Variants in TTN observed in about 807,000 individuals in gnomAD.
The protein encoded by TTN is titin, also known as connectin.
Under a neutral mutation model 3,223.0 loss-of-function variants are expected in TTN, and 1,525 were observed. The ratio of observed to expected loss-of-function variants is 0.47; its 90% CI spans 0.45 to 0.49. The LOEUF is 0.49. TTN is among the 20% of genes least tolerant of loss of function. TTN has a pLI of 0.00. For missense variants in TTN, 40,786 were observed against 43,424.0 expected, an observed-to-expected ratio of 0.94 and a Z score of 5.40; for synonymous variants, 14,094 against 15,161.0, an observed-to-expected ratio of 0.93 and a Z score of 5.17.
chr2:178,716,463 AC>A (rs2077496505), intron 88 of TTN, among the ~76,000 whole-genome samples: 1 of 152,096 alleles, frequency 6.6e-6, no homozygotes. Flanking sequence ...CACTACAAAA[AC>A]CCTTAAAAAT....
Position 178,569,967 on chromosome 2 carries a change from C to T in TTN, c.76165G>A (p.Glu25389Lys). 1 of 1,612,030 alleles carries T rather than the reference C, an allele frequency of 6.2e-7. No homozygotes were observed. Among genetic ancestry groups the T allele is most frequent in the Non-Finnish European group, 8.5e-7 (1 of 1,178,752 alleles). ...VSAENAAGLS[E>K]PSPPSAYQKA... ...TGGTAAGCAGAAGGAGGGCTTGGTT[C>T]ACTAAGTCCAGCAGCATTCTCAGCA... Residue 25389 changes from glutamate (E) to lysine (K), a missense_variant, in exon 326 of 363, where the codon GAA (glutamate) becomes AAA (lysine). By Grantham distance (56) the Glu-to-Lys change is moderately conservative. Transcript: ENST00000589042.
At position 178,560,949 on chromosome 2, in the gene TTN, C is replaced by T; in HGVS notation, c.85183G>A (p.Gly28395Ser). The T allele has an allele frequency of 6.2e-7, 1 of 1,613,718 alleles. No individual in the cohort carries two copies. The highest frequency in any genetic ancestry group is 8.5e-7 in the Non-Finnish European group (1 of 1,179,776). The change falls in exon 326 of 363, where the codon GGT becomes AGT. Residue 28395 changes from glycine to serine, a missense_variant. By Grantham distance (56) the Gly-to-Ser change is moderately conservative. Coordinates refer to ENST00000589042, the MANE Select transcript of TTN (RefSeq NM_001267550.2). ...PLPVISWAKD[G>S]IEIEERARTE... ...CTTGCTCTTTCTTCAATTTCTATAC[C>T]ATCCTTGGCCCAGGAAATTACTGGC...
chr2:178,685,397 T>A (rs934764073), intron 128 of TTN, 67 bp from the exon 129 acceptor site: 2 of 1,479,420 alleles, frequency 1.4e-6, no homozygotes, highest in African/African-American at 2.8e-5. Flanking sequence ...GTGTAAGGGA[T>A]CTTTTTATTA....
intron 47 of TTN, chr2:178,750,805 A>C (rs2085271591): frequency 6.2e-7 from 1 of 1,613,172 alleles, no homozygotes; most frequent in Non-Finnish European, 8.5e-7. Context: ...CAGGAGTCTC[A>C]TATACTTCCT....
Position 178,720,960 on chromosome 2 carries a change from C to T in TTN, c.23059G>A (p.Val7687Ile). The part of the protein sequence containing the change: ...GDYICEAHNG[V>I]GDASCSTALT... Reference sequence around the variant, plus strand: ...GCTGTGCTGCAGCTGGCGTCACCAACACCATTATGAGCCTCACAAATGTAG... The same window carrying T: ...GCTGTGCTGCAGCTGGCGTCACCAATACCATTATGAGCCTCACAAATGTAG... Residue 7687 changes from valine (V) to isoleucine (I), a missense_variant, in exon 79 of 363, where the codon GTT (valine) becomes ATT (isoleucine). Val to Ile is a conservative substitution (Grantham distance 29, BLOSUM62 3). Coordinates refer to ENST00000589042, the MANE Select transcript of TTN (RefSeq NM_001267550.2). The T allele has an allele frequency of 6.2e-7, 1 of 1,602,172 alleles. No individual in the cohort carries two copies. The highest frequency in any genetic ancestry group is 1.1e-5 in the South Asian group (1 of 90,340).
At chr2:178,789,538 C>T in intron 12 of TTN, 41 bp from the exon 13 acceptor site, 1 of 1,611,510 alleles carries the variant, frequency 6.2e-7, no homozygotes, top group African/African-American at 1.3e-5. Flanking sequence ...TTGAACAGGG[C>T]TTCAAACACA....
rs1215669622 is a variant in TTN at position 178,576,613 on chromosome 2, C to G, written c.69631G>C (p.Glu23211Gln). The part of the protein sequence containing the change: ...VTGLQEGSTY[E>Q]FRVSAENRAG... ...CTGTTTTCTGCACTGACACGGAATT[C>G]GTAGGTGCTTCCTTCTTGCAGTCCT... The change falls in exon 325 of 363, where the codon GAA becomes CAA. Residue 23211 changes from glutamate to glutamine, a missense_variant. Physicochemically the swap from Glu to Gln is conservative, Grantham distance 29. Coordinates refer to ENST00000589042, the MANE Select transcript of TTN (RefSeq NM_001267550.2). The surrounding 1 kb of genome is among the most constrained non-coding windows in gnomAD (Gnocchi z 4.3). 6.2e-7 allele frequency: 1 copy of G among 1,613,526 alleles called. No homozygotes were observed. Among genetic ancestry groups the G allele is most frequent in the Non-Finnish European group, 8.5e-7 (1 of 1,179,612 alleles).
chr2:178,714,576 G>A lies in TTN; in HGVS notation c.26201-3C>T. ...CTTCTTCACAAATCTTGGTGGTGCT[G>A]ATGAAAAAGGAGGAAAGCCTGGGTT... On this transcript the variant is annotated splice_polypyrimidine_tract_variant and splice_region_variant and intron_variant, in intron 90 of 362. Coordinates refer to ENST00000589042, the MANE Select transcript of TTN (RefSeq NM_001267550.2). 1 of 1,580,042 alleles carries A rather than the reference G, an allele frequency of 6.3e-7. No homozygotes were observed. Among genetic ancestry groups the A allele is most frequent in the Non-Finnish European group, 8.6e-7 (1 of 1,163,316 alleles).
chr2:178,755,248 G>C (rs1314553392), intron 46 of TTN, among the ~76,000 whole-genome samples: 3 of 152,126 alleles, frequency 2.0e-5, no homozygotes, highest in Non-Finnish European at 4.4e-5. Flanking sequence ...GTTTATTCCT[G>C]CTCTTCCAGA....
At position 178,576,994 on chromosome 2, in the gene TTN, A is replaced by AC; in HGVS notation, c.69340dup (p.Val23114GlyfsTer16). The AC allele has an allele frequency of 6.2e-7, 1 of 1,613,450 alleles. No homozygotes were observed. The highest frequency in any genetic ancestry group is 8.5e-7 in the Non-Finnish European group (1 of 1,179,554). On this transcript the variant is annotated frameshift_variant, in exon 324 of 363. Coordinates refer to ENST00000589042, the MANE Select transcript of TTN (RefSeq NM_001267550.2). LOFTEE classifies it high-confidence loss of function. The surrounding 1 kb of genome is among the most constrained non-coding windows in gnomAD (Gnocchi z 4.3). Reference sequence around the variant, plus strand: ...TTTGCCATAGTGGTTTACAGCTGAGACCCGGAAGATGTACTCATTTCCTTG... The same window carrying AC: ...TTTGCCATAGTGGTTTACAGCTGAGACCCCGGAAGATGTACTCATTTCCTTG...
chr2:178,686,181 C>A (rs530297885), intron 127 of TTN, among the ~76,000 whole-genome samples: 2 of 118,936 alleles, frequency 1.7e-5, no homozygotes, highest in African/African-American at 3.4e-5. Context: ...AGTGCAGTGG[C>A]GGGATCTCGG....
At position 178,802,341 on chromosome 2, in the gene TTN, C is replaced by T; in HGVS notation, c.92G>A (p.Gly31Asp). ...STATFEAHIS[G>D]FPVPEVSWFR... is the part of the protein sequence containing the mutation. ...CCAGCTCACCTCAGGAACTGGAAAA[C>T]CTGAAGAGCAAGAACAATTCACCTT... Residue 31 changes from glycine (G) to aspartate (D), a missense_variant and splice_region_variant, in exon 3 of 363, where the codon GGT becomes GAT. Coordinates refer to ENST00000589042, the MANE Select transcript of TTN (RefSeq NM_001267550.2). The T allele has an allele frequency of 6.2e-7, 1 of 1,613,670 alleles. No homozygotes were observed. Among genetic ancestry groups the T allele is most frequent in the Non-Finnish European group, 8.5e-7 (1 of 1,179,770 alleles).
At position 178,545,642 on chromosome 2, in the gene TTN, T is replaced by C. The variant is rs794729539; in HGVS notation, c.95468A>G (p.His31823Arg). 33 of 1,613,702 alleles carry C rather than the reference T, an allele frequency of 2.0e-5. No homozygotes were observed. The highest frequency in any genetic ancestry group is 2.5e-5 in the Non-Finnish European group (30 of 1,179,744). Reference sequence around the variant, plus strand: ...AGGTTTTGTCCACTGAATGATGATATGCTCTTTGCCAGTCCCAACTTCTTC... The same window carrying C: ...AGGTTTTGTCCACTGAATGATGATACGCTCTTTGCCAGTCCCAACTTCTTC... ...IPEEVGTGKE[H>R]IIIQWTKPES... The change falls in exon 344 of 363, where the codon CAT becomes CGT. Residue 31823 changes from histidine (H) to arginine (R), a missense_variant. Physicochemically the swap from His to Arg is conservative, Grantham distance 29. Coordinates refer to ENST00000589042, the MANE Select transcript of TTN (RefSeq NM_001267550.2).
chr2:178,730,311 T>C lies in TTN; in HGVS notation c.18089A>G (p.Gln6030Arg), dbSNP rs1560784359. The C allele has an allele frequency of 5.6e-6, 9 of 1,611,578 alleles. No individual in the cohort carries two copies. The highest frequency in any genetic ancestry group is 6.8e-6 in the Non-Finnish European group (8 of 1,178,694). ...SQDVNPNTRV[Q>R]LKALVGGTAP... ...AGTGCCACCCACAAGAGCCTTTAAC[T>C]GTACCCTTGTGTTGGGATTGACATC... The change falls in exon 62 of 363, where the codon CAG (glutamine) becomes CGG (arginine). Residue 6030 changes from glutamine (Q) to arginine (R), a missense_variant. Gln to Arg is a conservative substitution (Grantham distance 43). Transcript: ENST00000589042.
rs794729300 is a variant in TTN, at chr2:178,554,510, T to A, written c.88837A>T (p.Lys29613Ter). The A allele has an allele frequency of 3.1e-6, 5 of 1,613,334 alleles. No homozygotes were observed. The highest frequency in any genetic ancestry group is 1.3e-5 in the African/African-American group (1 of 74,922). The change falls in exon 332 of 363, where the codon AAA (lysine) becomes TAA (stop). Residue 29613 changes from lysine (K) to a stop codon, truncating the protein, a stop_gained. Coordinates refer to ENST00000589042, the MANE Select transcript of TTN (RefSeq NM_001267550.2). LOFTEE classifies it high-confidence loss of function. Reference protein sequence around the residue: ...EYIFRVRAVNKYGIGEPLESD... With the variant: ...EYIFRVRAVN ...TCCAGTGGCTCGCCAATTCCATATT[T>A]GTTCACGGCTCGGACCCGGAAGATG...
At chr2:178,655,265 G>A (rs1490178662) in intron 189 of TTN, among the ~76,000 whole-genome samples, 2 of 139,444 alleles carry the variant, frequency 1.4e-5, no homozygotes, top group Non-Finnish European at 3.0e-5. Context: ...AATAAATTAG[G>A]TATTGATGGG....
At position 178,621,084 on chromosome 2, in the gene TTN, A is replaced by G. The variant is rs2154211592; in HGVS notation, c.45616+18T>C. 3.7e-6 allele frequency: 6 copies of G among 1,609,262 alleles called. No homozygotes were observed. Among genetic ancestry groups the G allele is most frequent in the East Asian group, 2.2e-5 (1 of 44,564 alleles). ...CAAACAAACAAACAAAAAACCCTAA[A>G]AGCAAGAACAAACTTACCAATGACT... is the stretch of plus-strand genomic sequence containing the variant. On this transcript the variant is annotated intron_variant, in intron 246 of 362. Coordinates refer to ENST00000589042, the MANE Select transcript of TTN (RefSeq NM_001267550.2).
Position 178,552,290 on chromosome 2 carries a change from CAG to C in TTN, c.90608_90609del (p.Thr30203SerfsTer4). On this transcript the variant is annotated frameshift_variant, in exon 335 of 363. Coordinates refer to ENST00000589042, the MANE Select transcript of TTN (RefSeq NM_001267550.2). LOFTEE classifies it high-confidence loss of function. ...CTACACACTGCATTATCAAGAATAA[CAG>C]TGTATTTTCCTCCATGCTCCTTCTT... is the stretch of plus-strand genomic sequence containing the variant. ...NAKKEHGGKYTVILDNAVCRI... is the reference protein window; with the variant it reads ...NAKKEHGGKYXVILDNAVCRI... 1 of 1,613,358 alleles carries C rather than the reference CAG, an allele frequency of 6.2e-7. No individual in the cohort carries two copies. Among genetic ancestry groups the C allele is most frequent in the Non-Finnish European group, 8.5e-7 (1 of 1,179,642 alleles).
chr2:178,550,550 C>T (rs565129498), intron 336 of TTN: 1 of 449,982 alleles, frequency 2.2e-6, no homozygotes, highest in South Asian at 3.1e-5. Flanking sequence ...TCATGTACTT[C>T]CTAATACTGC....
Sources: gnomAD v4.1 joint callset for allele counts (sites outside exome capture counted in the v4.1 genomes callset) on GRCh38, gnomAD v4.1.1 for gene constraint, Gnocchi (gnomAD v3.1) non-coding constraint, MANE v1.5 for transcripts, NCBI Gene and HGNC (gene_info 2026-07-23, HGNC 2026-07-21) for gene names.